GLMN: variants seen among roughly 807,000 people sequenced by gnomAD.
GLMN encodes glomulin.
A neutral mutation model predicts 87.8 loss-of-function variants in GLMN; 75 were observed. The observed-to-expected ratio is 0.85, with a 90% CI of 0.71 to 1.04. GLMN has a LOEUF of 1.04. GLMN is among the 50% of genes least tolerant of loss of function. The pLI, the probability that GLMN is intolerant of heterozygous loss-of-function variation, is 0.00. For missense variants in GLMN, 588 were observed against 658.8 expected (o/e 0.89, Z 1.18); for synonymous variants, 206 against 221.6 (o/e 0.93, Z 0.63).
the GLMN span, among the ~76,000 whole-genome samples, chr1:92,321,962 T>C: frequency 6.7e-5 from 10 of 149,506 alleles, no homozygotes; most frequent in East Asian, 1.6e-3. Flanking sequence ...TTTTTTTTTT[T>C]CAAGACAGAG....
chr1:92,266,933 TGAGTA>T (rs1201030796), intron 11 of GLMN, among the ~76,000 whole-genome samples, 192 bp from the exon 12 acceptor site: 1 of 152,196 alleles, frequency 6.6e-6, no homozygotes, highest in Non-Finnish European at 1.5e-5. Context: ...TAAGTGATAT[TGAGTA>T]GAGTGTCACA....
the GLMN span, among the ~76,000 whole-genome samples, chr1:92,348,837 A>T: frequency 6.6e-6 from 1 of 152,210 alleles, no homozygotes; most frequent in Admixed American, 6.5e-5. Context: ...TCTCCCCCTT[A>T]CAGTTTTCAC....
At chr1:92,335,772 A>T in the GLMN span, among the ~76,000 whole-genome samples, 1 of 152,184 alleles carries the variant, frequency 6.6e-6, no homozygotes, top group Non-Finnish European at 1.5e-5. Context: ...TTATCTAACC[A>T]ATCACCTATT....
At chr1:92,309,034 TA>T in the GLMN span, among the ~76,000 whole-genome samples, 1 of 152,198 alleles carries the variant, frequency 6.6e-6, no homozygotes, top group Non-Finnish European at 1.5e-5. Flanking sequence ...CACCATCCTC[TA>T]TTCAGAATGC....
chr1:92,307,356 A>G, the GLMN span: 9 of 945,228 alleles, frequency 9.5e-6, no homozygotes, highest in African/African-American at 1.7e-5. Context: ...AGCTGAGAGT[A>G]AGTCTAGTTT....
chr1:92,324,313 G>A, the GLMN span: 1 of 1,614,068 alleles, frequency 6.2e-7, no homozygotes, highest in Non-Finnish European at 8.5e-7. Context: ...GAGGATCAGG[G>A]AGTTTTACAG....
the GLMN span, among the ~76,000 whole-genome samples, chr1:92,310,561 G>A: frequency 1.3e-5 from 2 of 151,968 alleles, no homozygotes; most frequent in South Asian, 2.1e-4. Context: ...AGAATAAATT[G>A]CATCATAATA....
At chr1:92,248,141 G>C in intron 16 of GLMN, 152 bp from the exon 17 acceptor site, 1 of 596,940 alleles carries the variant, frequency 1.7e-6, no homozygotes, top group Non-Finnish European at 3.0e-6. Context: ...ACTATAGCTA[G>C]TTATGTGAAT....
the GLMN span, among the ~76,000 whole-genome samples, chr1:92,316,666 A>G: frequency 2.6e-5 from 4 of 152,326 alleles, no homozygotes; most frequent in East Asian, 3.9e-4. Context: ...TTTCACAACT[A>G]TCTTCAGGAC....
At chr1:92,326,023 G>C in the GLMN span, among the ~76,000 whole-genome samples, 1 of 151,588 alleles carries the variant, frequency 6.6e-6, no homozygotes, top group Non-Finnish European at 1.5e-5. Context: ...GCTAATATGC[G>C]TATGTATTTC....
At chr1:92,264,158 C>A (rs1325841782) in intron 14 of GLMN, among the ~76,000 whole-genome samples, 1 of 151,900 alleles carries the variant, frequency 6.6e-6, no homozygotes, top group Non-Finnish European at 1.5e-5. Flanking sequence ...TCTACAAAAT[C>A]AAAATTCAGC....
the GLMN span, among the ~76,000 whole-genome samples, chr1:92,307,016 A>T: frequency 6.6e-6 from 1 of 152,262 alleles, no homozygotes; most frequent in East Asian, 1.9e-4. Context: ...GCAGTTGGGA[A>T]GGGGCACATA....
the GLMN span, among the ~76,000 whole-genome samples, chr1:92,333,963 G>A: frequency 6.6e-6 from 1 of 152,104 alleles, no homozygotes; most frequent in Admixed American, 6.6e-5. Context: ...TTCCCGTGGT[G>A]GAAATTATTG....
At chr1:92,317,797 C>CA in the GLMN span, among the ~76,000 whole-genome samples, 14 of 152,096 alleles carry the variant, frequency 9.2e-5, no homozygotes, top group African/African-American at 3.4e-4. Flanking sequence ...TTTTAATTCT[C>CA]AAAAAATAAC....
intron 16 of GLMN, among the ~76,000 whole-genome samples, chr1:92,257,168 A>C (rs1654384568): frequency 6.6e-6 from 1 of 152,216 alleles, no homozygotes; most frequent in Non-Finnish European, 1.5e-5. Flanking sequence ...CAAAGAGAAT[A>C]AAATACCTAA....
At position 92,271,475 on chromosome 1, in the gene GLMN, T is replaced by C. The variant is rs150323288; in HGVS notation, c.913A>G (p.Met305Val). 2.3e-5 allele frequency: 37 copies of C among 1,611,282 alleles called. 1 individual carries two copies. Among genetic ancestry groups the C allele is most frequent in the Middle Eastern group, 1.7e-4 (1 of 5,922 alleles). Residue 305 changes from methionine to valine, a missense_variant, in exon 8 of 19, where the codon ATG (methionine) becomes GTG (valine). Met to Val is a conservative substitution (Grantham distance 21). Coordinates refer to ENST00000370360, the MANE Select transcript of GLMN (RefSeq NM_053274.3). ...VQGIHIDQLP[M>V]VLSPLYLLQF... ...AACACTAACTCTTACCTTAAGACCA[T>C]TGGAAGCTGATCAATATGGATGCCC...
At chr1:92,262,443 TTC>T (rs1314114579) in intron 16 of GLMN, among the ~76,000 whole-genome samples, 1 of 152,210 alleles carries the variant, frequency 6.6e-6, no homozygotes, top group African/African-American at 2.4e-5. Context: ...TGTTAACAAA[TTC>T]TGTTTTAGTG....
intron 6 of GLMN, among the ~76,000 whole-genome samples, chr1:92,287,843 T>C (rs1397373853): frequency 6.6e-6 from 1 of 152,112 alleles, no homozygotes; most frequent in Non-Finnish European, 1.5e-5. Context: ...TACTGGTCCA[T>C]GTAATTAATC....
the GLMN span, among the ~76,000 whole-genome samples, chr1:92,310,629 G>A: frequency 6.6e-6 from 1 of 152,088 alleles, no homozygotes; most frequent in African/African-American, 2.4e-5. Context: ...CAGGTGTGGT[G>A]ACTCACGCCC....
Sources: gnomAD v4.1 joint callset for allele counts (sites outside exome capture counted in the v4.1 genomes callset) on GRCh38, gnomAD v4.1.1 for gene constraint, MANE v1.5 for transcripts, NCBI Gene and HGNC (gene_info 2026-07-23, HGNC 2026-07-21) for gene names.